Variants in ALX1 observed in about 807,000 individuals in gnomAD.
ALX1 encodes the protein ALX homeobox 1, also known as ALX homeobox protein 1.
In ALX1, 19 loss-of-function variants were observed where a neutral mutation model predicts 31.7. The ratio of observed to expected loss-of-function variants is 0.60; its 90% CI spans 0.42 to 0.88. ALX1 has a LOEUF of 0.88. Among genes scored for constraint, ALX1 ranks in the 40% least tolerant of loss-of-function variants. ALX1 has a pLI of 0.00. For synonymous variants in ALX1, 153 were observed against 148.8 expected (o/e 1.03, Z -0.20); for missense variants, 415 against 407.8 (o/e 1.02, Z -0.15).
In ALX1 at chr12:85,280,448, G is replaced by T. The variant is rs1048636970; in HGVS notation, c.187G>T (p.Val63Leu). 2 of 1,612,040 alleles carry T rather than the reference G, an allele frequency of 1.2e-6. No individual in the cohort carries two copies. Among genetic ancestry groups the T allele is most frequent in the African/African-American group, 1.3e-5 (1 of 74,982 alleles). The change falls in exon 1 of 4, where the codon GTG becomes TTG. Residue 63 changes from valine (V) to leucine (L), a missense_variant. By Grantham distance (32) the Val-to-Leu change is conservative. Coordinates refer to ENST00000316824, the MANE Select transcript of ALX1 (RefSeq NM_006982.3). ...FGPLPRAEHH[V>L]RLERTSPCQD... ...ACCCCTGCCCCGCGCCGAGCATCAC[G>T]TGCGCTTGGAGAGGACCTCGCCCTG...
At chr12:85,298,961 C>T (rs900243638) in intron 3 of ALX1, among the ~76,000 whole-genome samples, 3 of 151,318 alleles carry the variant, frequency 2.0e-5, no homozygotes, top group Non-Finnish European at 4.4e-5. Context: ...AGGTTACCTC[C>T]CTTGCCTTTA....
At chr12:85,292,947 T>C (rs1295569717) in intron 3 of ALX1, among the ~76,000 whole-genome samples, 1 of 150,852 alleles carries the variant, frequency 6.6e-6, no homozygotes, top group East Asian at 1.9e-4. Flanking sequence ...TTTAAAAATA[T>C]TACTAATATA....
chr12:85,281,576 A>G (rs1238025438), intron 1 of ALX1, among the ~76,000 whole-genome samples: 2 of 152,236 alleles, frequency 1.3e-5, no homozygotes, highest in Non-Finnish European at 2.9e-5. Context: ...AATATTTTGA[A>G]CACAAGTTTT....
chr12:85,288,116 T>C (rs1230487575), intron 3 of ALX1, among the ~76,000 whole-genome samples: 2 of 151,500 alleles, frequency 1.3e-5, no homozygotes, highest in African/African-American at 4.8e-5. Flanking sequence ...ATAAAAGAAG[T>C]CTTGGAGGTC....
At position 85,280,335 on chromosome 12, in the gene ALX1, G is replaced by A. The variant is rs2137372532; in HGVS notation, c.74G>A (p.Gly25Glu). The change falls in exon 1 of 4, where the codon GGA becomes GAA. Residue 25 changes from glycine to glutamate, a missense_variant. Physicochemically the swap from Gly to Glu is moderately conservative, Grantham distance 98 (BLOSUM62 -2). Coordinates refer to ENST00000316824, the MANE Select transcript of ALX1 (RefSeq NM_006982.3). ...AACAGTGACTTTTACATGGGCGCAG[G>A]AGGTCCTCTGGAGCACGTTATGGAG... Reference protein sequence around the residue: ...SKNSDFYMGAGGPLEHVMETL... With the variant: ...SKNSDFYMGAEGPLEHVMETL... 6.2e-7 allele frequency: 1 copy of A among 1,613,896 alleles called. No individual in the cohort carries two copies. Among genetic ancestry groups the A allele is most frequent in the Non-Finnish European group, 8.5e-7 (1 of 1,180,040 alleles).
intron 1 of ALX1, among the ~76,000 whole-genome samples, chr12:85,281,195 G>T (rs889539403): frequency 1.3e-5 from 2 of 152,226 alleles, no homozygotes; most frequent in East Asian, 3.9e-4. Flanking sequence ...CAGATTCTAC[G>T]TTTTGTATTT....
intron 1 of ALX1, among the ~76,000 whole-genome samples, chr12:85,281,735 T>TC (rs1896677022): frequency 6.6e-6 from 1 of 152,242 alleles, no homozygotes; most frequent in Non-Finnish European, 1.5e-5. Context: ...TTCGAGCGTA[T>TC]ACTTTTTGTT....
intron 1 of ALX1, 67 bp downstream of exon 1, chr12:85,280,554 T>C: frequency 2.6e-6 from 4 of 1,532,782 alleles, no homozygotes; most frequent in South Asian, 1.1e-5. Flanking sequence ...AGGATCGGTC[T>C]GATCAGGCAG....
intron 1 of ALX1, among the ~76,000 whole-genome samples, chr12:85,282,245 T>C (rs115221316): frequency 0.019 from 2,949 of 151,400 alleles, 97 homozygotes; most frequent in African/African-American, 0.068. Context: ...AAAAAATTTG[T>C]TATATATATA....
intron 3 of ALX1, among the ~76,000 whole-genome samples, chr12:85,300,750 A>T (rs533327888): frequency 2.0e-5 from 3 of 152,150 alleles, no homozygotes; most frequent in Admixed American, 6.6e-5. Flanking sequence ...AATTTTTTTT[A>T]AAAATGCATT....
chr12:85,297,483 C>T (rs184079094), intron 3 of ALX1, among the ~76,000 whole-genome samples: 5 of 151,558 alleles, frequency 3.3e-5, no homozygotes, highest in Non-Finnish European at 5.9e-5. Flanking sequence ...TCTTATTCTA[C>T]GTCATTATAG....
At chr12:85,300,472 A>G (rs1402109969) in intron 3 of ALX1, among the ~76,000 whole-genome samples, 1 of 152,112 alleles carries the variant, frequency 6.6e-6, no homozygotes, top group Non-Finnish European at 1.5e-5. Flanking sequence ...ATGTTTTAAA[A>G]TTCTAACTTT....
At chr12:85,288,887 A>G (rs1291453371) in intron 3 of ALX1, among the ~76,000 whole-genome samples, 1 of 151,476 alleles carries the variant, frequency 6.6e-6, no homozygotes, top group Admixed American at 6.6e-5. Context: ...GTCAGGAGCC[A>G]CAACCAGAGA....
chr12:85,301,173 G>A lies in ALX1; in HGVS notation c.679G>A (p.Ala227Thr), dbSNP rs375150228. The stretch of plus-strand genomic sequence containing the variant: ...ATTCCAGATTCAGAACAATTTGTGG[G>A]CAGGAAATGCAAGTGGTGGTTCTGT... ...SYPQIQNNLW[A>T]GNASGGSVVT... is the part of the protein sequence containing the mutation. The change falls in exon 4 of 4, where the codon GCA becomes ACA. Residue 227 changes from alanine to threonine, a missense_variant. Physicochemically the swap from Ala to Thr is moderately conservative, Grantham distance 58 (BLOSUM62 0). Transcript: ENST00000316824. 3.7e-6 allele frequency: 6 copies of A among 1,613,844 alleles called. No homozygotes were observed. The African/African-American group carries it at 6.7e-5, about 18-fold the overall frequency.
At position 85,284,297 on chromosome 12, in the gene ALX1, A is replaced by G. The variant is rs1258414313; in HGVS notation, c.531+421A>G. ...TATCAGGTATTTGTAAATTATTTGT[A>G]TAATAGCCCATACATCTAGAAATTT... is the stretch of plus-strand genomic sequence containing the variant. On this transcript the variant is annotated intron_variant, in intron 2 of 3. Coordinates refer to ENST00000316824, the MANE Select transcript of ALX1 (RefSeq NM_006982.3). Among the ~76,000 whole-genome samples the G allele has an allele frequency of 6.0e-5, 9 of 150,342 alleles. 1 individual carries two copies.
At chr12:85,282,378 T>A (rs187200853) in intron 1 of ALX1, among the ~76,000 whole-genome samples, 1 of 152,320 alleles carries the variant, frequency 6.6e-6, no homozygotes, top group Non-Finnish European at 1.5e-5. Context: ...ACATTTTTTA[T>A]TATGAGAACA....
intron 3 of ALX1, among the ~76,000 whole-genome samples, chr12:85,291,817 A>G (rs1172849591): frequency 6.6e-6 from 1 of 151,104 alleles, no homozygotes; most frequent in East Asian, 1.9e-4. Context: ...TATAGACTAC[A>G]GAGGTGAATC....
chr12:85,301,338 A>T lies in ALX1; in HGVS notation c.844A>T (p.Thr282Ser). The T allele has an allele frequency of 6.2e-7, 1 of 1,614,088 alleles. No homozygotes were observed. The highest frequency in any genetic ancestry group is 8.5e-7 in the Non-Finnish European group (1 of 1,179,974). Residue 282 changes from threonine to serine, a missense_variant, in exon 4 of 4, where the codon ACT (threonine) becomes TCT (serine). Thr to Ser is a moderately conservative substitution (Grantham distance 58, BLOSUM62 1). Around this residue, in one of 3 missense-constraint regions of ALX1, gnomAD observed 174 missense variants for 177.5 expected, o/e 0.98. Transcript: ENST00000316824. ...CCACGTGCCCCTCAACAATTTTTTCACTGACTCTCTTCTTACTGGGGCAAC... is the reference window on the plus strand; with the variant it reads ...CCACGTGCCCCTCAACAATTTTTTCTCTGACTCTCTTCTTACTGGGGCAAC... ...FSHVPLNNFF[T>S]DSLLTGATNG... is the part of the protein sequence containing the mutation.
chr12:85,281,301 G>A (rs1896670149), intron 1 of ALX1, among the ~76,000 whole-genome samples: 2 of 152,154 alleles, frequency 1.3e-5, no homozygotes, highest in South Asian at 4.1e-4. Flanking sequence ...AAGTCAAAAT[G>A]TTATCAAAAC....
Sources: allele counts gnomAD v4.1 joint callset (sites outside exome capture counted in the v4.1 genomes callset), GRCh38; gene constraint gnomAD v4.1.1; regional missense constraint gnomAD v4.1.1; transcripts MANE v1.5; gene names NCBI Gene and HGNC (gene_info 2026-07-23, HGNC 2026-07-21).